Variants in ABHD12 observed in about 807,000 individuals in gnomAD.
The protein encoded by ABHD12 is abhydrolase domain containing 12, lysophospholipase.
ABHD12 carries 43 observed loss-of-function variants against 58.3 expected under a neutral mutation model. The ratio of observed to expected loss-of-function variants is 0.74; its 90% CI spans 0.58 to 0.95. ABHD12 has a LOEUF of 0.95. Ranked by LOEUF, ABHD12 falls within the 40% of genes least tolerant of loss-of-function variation. ABHD12 has a pLI of 0.00. For missense variants in ABHD12, 539 were observed against 537.2 expected, an observed-to-expected ratio of 1.00 and a Z score of -0.03; for synonymous variants, 219 against 211.2, an observed-to-expected ratio of 1.04 and a Z score of -0.32.
chr20:25,341,074 A>C (rs555016778), intron 1 of ABHD12, among the ~76,000 whole-genome samples: 4 of 152,398 alleles, frequency 2.6e-5, no homozygotes, highest in Non-Finnish European at 5.9e-5. Flanking sequence ...ACATCCGATA[A>C]TGTAACTCAT....
At position 25,339,248 on chromosome 20, in the gene ABHD12, T is replaced by G; in HGVS notation, c.295A>C (p.Lys99Gln). The G allele has an allele frequency of 6.2e-7, 1 of 1,614,176 alleles. No homozygotes were observed. The highest frequency in any genetic ancestry group is 1.1e-5 in the South Asian group (1 of 91,076). The change falls in exon 2 of 13, where the codon AAA becomes CAA. Residue 99 changes from lysine (K) to glutamine (Q), a missense_variant. Lys to Gln is a moderately conservative substitution (Grantham distance 53, BLOSUM62 1). Transcript: ENST00000339157. ...TTACCGAAATTCAAGAAAATCAGTTTGGCCTGTATTCCAGGACATAGTTTG... is the reference window on the plus strand; with the variant it reads ...TTACCGAAATTCAAGAAAATCAGTTGGGCCTGTATTCCAGGACATAGTTTG... Reference protein sequence around the residue: ...LIKLCPGIQAKLIFLNFVRVP... With the variant: ...LIKLCPGIQAQLIFLNFVRVP...
At chr20:25,302,476 C>T in intron 11 of ABHD12, 130 bp from the exon 12 acceptor site, 5 of 1,266,360 alleles carry the variant, frequency 3.9e-6, no homozygotes, top group South Asian at 1.2e-5. Flanking sequence ...CTTGTTGCCA[C>T]AGCCGGTCAC....
At chr20:25,388,787 C>CTCT (rs2090129452) in intron 1 of ABHD12, among the ~76,000 whole-genome samples, 1 of 122,094 alleles carries the variant, frequency 8.2e-6, no homozygotes, top group South Asian at 2.6e-4. Flanking sequence ...TTGATTTTTT[C>CTCT]TTTTTTTTTT....
In ABHD12 at chr20:25,330,926, C is replaced by T. The variant is rs532784929; in HGVS notation, c.317-7496G>A. Among the ~76,000 whole-genome samples the T allele has an allele frequency of 2.9e-3, 437 of 152,348 alleles. 1 individual carries two copies. Among genetic ancestry groups the T allele is most frequent in the African/African-American group, 9.8e-3 (409 of 41,574 alleles). On this transcript the variant is annotated intron_variant, in intron 2 of 12. Coordinates refer to ENST00000339157, the MANE Select transcript of ABHD12 (RefSeq NM_001042472.3). ...GAGCGCCTCTCCTCCTCCAAAGGAA[C>T]GCAGTTCCTCACCAGCAACGGAACA...
rs1372331246 is a variant in ABHD12, at chr20:25,300,525, T to C, written c.*320A>G. Reference sequence around the variant, plus strand: ...AAGAGTCCCCTGCCCGGACTCCCCCTGTCCAGCTCAGTGCAGCATCAAGCA... The same window carrying C: ...AAGAGTCCCCTGCCCGGACTCCCCCCGTCCAGCTCAGTGCAGCATCAAGCA... On this transcript the variant is annotated 3_prime_UTR_variant, in exon 13 of 13. Coordinates refer to ENST00000339157, the MANE Select transcript of ABHD12 (RefSeq NM_001042472.3). 1.1e-5 allele frequency: 13 copies of C among 1,203,268 alleles called. No individual in the cohort carries two copies. Among genetic ancestry groups the C allele is most frequent in the South Asian group, 2.3e-5 (1 of 43,614 alleles). 74.5% of individuals were successfully genotyped at this position (1,203,268 alleles called of 1,614,324 possible). A position where few individuals can be genotyped will look rare whatever the true frequency, so the allele number is the denominator to read the frequency against.
chr20:25,372,762 G>A (rs558451087), intron 1 of ABHD12, among the ~76,000 whole-genome samples: 3 of 152,160 alleles, frequency 2.0e-5, no homozygotes, highest in Non-Finnish European at 4.4e-5. Flanking sequence ...TAGCGTCACA[G>A]TGAAAAGCAT....
At chr20:25,368,584 T>C (rs2089856285) in intron 1 of ABHD12, 2 of 1,399,690 alleles carry the variant, frequency 1.4e-6, no homozygotes, top group East Asian at 2.3e-5. Context: ...ACCACCCTGA[T>C]ACATAAACCC....
intron 2 of ABHD12, among the ~76,000 whole-genome samples, chr20:25,330,526 A>G (rs998248028): frequency 1.3e-5 from 2 of 152,246 alleles, no homozygotes; most frequent in African/African-American, 4.8e-5. Context: ...CAGACAAAGA[A>G]AAAGACAGCA....
At chr20:25,331,436 A>T (rs2089274041) in intron 2 of ABHD12, among the ~76,000 whole-genome samples, 1 of 152,188 alleles carries the variant, frequency 6.6e-6, no homozygotes, top group Non-Finnish European at 1.5e-5. Context: ...CAACATTCAG[A>T]TTCAGGAAAT....
chr20:25,302,192 C>G, intron 12 of ABHD12, 27 bp downstream of exon 12: 2 of 1,612,354 alleles, frequency 1.2e-6, no homozygotes, highest in Non-Finnish European at 1.7e-6. Context: ...CCAGACGAAG[C>G]CCCTGGGTGG....
intron 2 of ABHD12, among the ~76,000 whole-genome samples, chr20:25,337,801 T>C (rs1263354320): frequency 6.6e-6 from 1 of 152,204 alleles, no homozygotes; most frequent in African/African-American, 2.4e-5. Flanking sequence ...TTAAGGAACA[T>C]TAAAGTCAGA....
At chr20:25,351,828 G>T (rs971129393) in intron 1 of ABHD12, among the ~76,000 whole-genome samples, 5 of 151,988 alleles carry the variant, frequency 3.3e-5, no homozygotes, top group South Asian at 2.1e-4. Context: ...TTGAACTCAG[G>T]GGGTGGAGGT....
chr20:25,308,342 C>T lies in ABHD12; in HGVS notation c.787+115G>A. On this transcript the variant is annotated intron_variant, in intron 8 of 12. Transcript: ENST00000339157. ...GGGTGGCTGGTCAGCCCCGGGCCCC[C>T]CAGAATGTGCAGCTCATGCTGCTCC... 4.3e-6 allele frequency: 6 copies of T among 1,390,088 alleles called. No homozygotes were observed. The South Asian group carries it at 6.1e-5, about 14-fold the overall frequency. The allele number at this position is 1,390,088 out of a possible 1,614,324, so 86.1% of individuals were successfully genotyped here.
At chr20:25,352,495 G>A (rs1193239068) in intron 1 of ABHD12, among the ~76,000 whole-genome samples, 3 of 152,110 alleles carry the variant, frequency 2.0e-5, no homozygotes, top group South Asian at 2.1e-4. Context: ...TCACCATGTT[G>A]GCCAGGCTGG....
chr20:25,325,839 G>T (rs988602620), intron 2 of ABHD12, among the ~76,000 whole-genome samples: 2 of 152,150 alleles, frequency 1.3e-5, no homozygotes, highest in African/African-American at 4.8e-5. Flanking sequence ...GGGAGGCCGA[G>T]GCAGGTGGAT....
chr20:25,325,687 C>G (rs112921585), intron 2 of ABHD12, among the ~76,000 whole-genome samples: 1 of 152,146 alleles, frequency 6.6e-6, no homozygotes, highest in Non-Finnish European at 1.5e-5. Flanking sequence ...ACCCACACCT[C>G]GACCTCAGAC....
chr20:25,330,960 C>A (rs977920998), intron 2 of ABHD12, among the ~76,000 whole-genome samples: 3 of 152,318 alleles, frequency 2.0e-5, no homozygotes, highest in African/African-American at 7.2e-5. Context: ...CAAAGCTGGA[C>A]GGAGAATGAC....
At chr20:25,296,487 C>A, downstream of ABHD12, 2 of 1,613,812 alleles carry the variant, frequency 1.2e-6, no homozygotes, top group Non-Finnish European at 1.7e-6. Context: ...GCCCTCCGAC[C>A]TGCAGATCCC....
intron 6 of ABHD12, among the ~76,000 whole-genome samples, chr20:25,311,927 C>T (rs966336547): frequency 6.6e-6 from 1 of 152,010 alleles, no homozygotes; most frequent in Non-Finnish European, 1.5e-5. Flanking sequence ...AGGCTTATCT[C>T]GAACTCCTGG....
Sources: allele counts gnomAD v4.1 joint callset (sites outside exome capture counted in the v4.1 genomes callset), GRCh38; gene constraint gnomAD v4.1.1; transcripts MANE v1.5; gene names NCBI Gene and HGNC (gene_info 2026-07-23, HGNC 2026-07-21).